HIGD2A: variants seen among roughly 807,000 people sequenced by gnomAD.
The protein encoded by HIGD2A is HIG1 domain family member 2A, mitochondrial.
HIGD2A carries 4 observed loss-of-function variants against 6.3 expected under a neutral mutation model. That is an observed-to-expected ratio of 0.64 (90% confidence interval 0.31 to 1.46). The LOEUF (loss-of-function observed/expected upper bound fraction) is 1.46, where lower values mean the gene tolerates loss of function less well. Ranked by LOEUF, HIGD2A falls within the 40% of genes most tolerant of loss-of-function variation. HIGD2A has a pLI of 0.07. For missense variants in HIGD2A, 143 were observed against 144.8 expected, an observed-to-expected ratio of 0.99 and a Z score of 0.06; for synonymous variants, 63 against 59.3, an observed-to-expected ratio of 1.06 and a Z score of -0.29.
Position 176,389,430 on chromosome 5 carries a change from C to T in HIGD2A, c.254C>T (p.Ala85Val). 6.2e-7 allele frequency: 1 copy of T among 1,614,210 alleles called. No individual in the cohort carries two copies. Among genetic ancestry groups the T allele is most frequent in the Non-Finnish European group, 8.5e-7 (1 of 1,180,042 alleles). The part of the protein sequence containing the change: ...SQLMMRTRIA[A>V]QGFTVAAILL... Reference sequence around the variant, plus strand: ...CTCATGATGCGCACCCGGATCGCCGCCCAGGGTTTCACGGTCGCAGCCATC... The same window carrying T: ...CTCATGATGCGCACCCGGATCGCCGTCCAGGGTTTCACGGTCGCAGCCATC... The change falls in exon 2 of 2, where the codon GCC becomes GTC. Residue 85 changes from alanine to valine, a missense_variant. Coordinates refer to ENST00000274787, the MANE Select transcript of HIGD2A (RefSeq NM_138820.4).
chr5:176,389,090 G>A (rs1756146792), intron 1 of HIGD2A, 117 bp downstream of exon 1: 3 of 1,363,336 alleles, frequency 2.2e-6, no homozygotes, highest in East Asian at 2.3e-5. Context: ...GAGAAGAGAC[G>A]AGGGGGCGGG....
rs945368176 is a variant in HIGD2A, at chr5:176,389,063, G to T, written c.154+90G>T. On this transcript the variant is annotated intron_variant, in intron 1 of 1. Coordinates refer to ENST00000274787, the MANE Select transcript of HIGD2A (RefSeq NM_138820.4). ...AAGGACCAGAGCGCTAGCGGGGAGC[G>T]GAAGGAGAGCGGACTAGAGAAGAGA... 43 of 1,514,118 alleles carry T rather than the reference G, an allele frequency of 2.8e-5. No homozygotes were observed. The African/African-American group carries it at 5.1e-4, about 18-fold the overall frequency. The allele number at this position is 1,514,118 out of a possible 1,614,324, so 93.8% of individuals were successfully genotyped here. A position where few individuals can be genotyped will look rare whatever the true frequency, so the allele number is the denominator to read the frequency against.
At chr5:176,389,168 T>C (rs567447069) in intron 1 of HIGD2A, among the ~76,000 whole-genome samples, 163 bp from the exon 2 acceptor site, 53 of 152,100 alleles carry the variant, frequency 3.5e-4, no homozygotes, top group Non-Finnish European at 5.0e-4. Flanking sequence ...GGGCCTAAGA[T>C]TGGGAGGACT....
Position 176,389,015 on chromosome 5 carries a change from A to T in HIGD2A, c.154+42A>T, listed in dbSNP as rs749217772. Reference sequence around the variant, plus strand: ...GGAACTGCACAAGGAGAGGACAGTGATGTCGGAGGGAAGGAAGTAGAGAAG... The same window carrying T: ...GGAACTGCACAAGGAGAGGACAGTGTTGTCGGAGGGAAGGAAGTAGAGAAG... On this transcript the variant is annotated intron_variant, in intron 1 of 1. Transcript: ENST00000274787. 2.5e-6 allele frequency: 4 copies of T among 1,608,270 alleles called. No individual in the cohort carries two copies. In the East Asian group the frequency reaches 8.9e-5, roughly 36 times the overall value.
At position 176,388,933 on chromosome 5, in the gene HIGD2A, G is replaced by T; in HGVS notation, c.114G>T (p.Lys38Asn). ...VYRNPESFKE[K>N]FVRKTRENPV... ...GGAATCCAGAGAGTTTCAAGGAAAA[G>T]TTCGTTCGCAAGACCCGCGAGAACC... Residue 38 changes from lysine (K) to asparagine (N), a missense_variant, in exon 1 of 2, where the codon AAG (lysine) becomes AAT (asparagine). By Grantham distance (94) the Lys-to-Asn change is moderately conservative. Transcript: ENST00000274787. 2 of 1,614,222 alleles carry T rather than the reference G, an allele frequency of 1.2e-6. No homozygotes were observed. The highest frequency in any genetic ancestry group is 1.7e-6 in the Non-Finnish European group (2 of 1,180,044).
At chr5:176,389,018 TC>T in intron 1 of HIGD2A, 45 bp downstream of exon 1, 1 of 1,606,818 alleles carries the variant, frequency 6.2e-7, no homozygotes, top group Non-Finnish European at 8.5e-7. Flanking sequence ...GACAGTGATG[TC>T]GGAGGGAAGG....
chr5:176,388,755 T>C lies in HIGD2A; in HGVS notation c.-65T>C. ...TCAATTTATTCGTTTCCCCGCCCCTTTCATGACCTTCACCGGGAGGCTGAG... is the reference window on the plus strand; with the variant it reads ...TCAATTTATTCGTTTCCCCGCCCCTCTCATGACCTTCACCGGGAGGCTGAG... On this transcript the variant is annotated 5_prime_UTR_variant, in exon 1 of 2. Transcript: ENST00000274787. The C allele has an allele frequency of 1.3e-6, 2 of 1,576,870 alleles. No homozygotes were observed. Among genetic ancestry groups the C allele is most frequent in the Non-Finnish European group, 1.7e-6 (2 of 1,163,530 alleles).
Position 176,388,850 on chromosome 5 carries a change from G to A in HIGD2A, c.31G>A (p.Val11Ile). The A allele has an allele frequency of 6.2e-7, 1 of 1,614,116 alleles. No homozygotes were observed. The highest frequency in any genetic ancestry group is 8.5e-7 in the Non-Finnish European group (1 of 1,180,020). The change falls in exon 1 of 2, where the codon GTC becomes ATC. Residue 11 changes from valine (V) to isoleucine (I), a missense_variant. Physicochemically the swap from Val to Ile is conservative, Grantham distance 29 (BLOSUM62 3). Coordinates refer to ENST00000274787, the MANE Select transcript of HIGD2A (RefSeq NM_138820.4). ...GACTCCCGGCCCTGTGATTCCGGAG[G>A]TCCCCTTTGAACCATCGAAGCCTCC... MATPGPVIPE[V>I]PFEPSKPPVI...
rs750350387 is a variant in HIGD2A, at chr5:176,389,718, C to G, written c.*221C>G. The G allele has an allele frequency of 2.9e-5, 14 of 476,402 alleles. No individual in the cohort carries two copies. The highest frequency in any genetic ancestry group is 4.8e-5 in the Non-Finnish European group (13 of 269,830). 29.5% of individuals were successfully genotyped at this position (476,402 alleles called of 1,614,324 possible). A position where few individuals can be genotyped will look rare whatever the true frequency, so the allele number is the denominator to read the frequency against. On this transcript the variant is annotated 3_prime_UTR_variant, in exon 2 of 2. Coordinates refer to ENST00000274787, the MANE Select transcript of HIGD2A (RefSeq NM_138820.4). The stretch of plus-strand genomic sequence containing the variant: ...CTTCTATTTGTGCCACATCTCCCCT[C>G]CACTCCCCTGCTTAATAAACTCTAA...
intron 1 of HIGD2A, 129 bp downstream of exon 1, chr5:176,389,102 C>T (rs925580453): frequency 1.6e-6 from 2 of 1,232,488 alleles, no homozygotes; most frequent in African/African-American, 1.5e-5. Flanking sequence ...GGGGGCGGGG[C>T]GGTGAGGGGC....
intron 1 of HIGD2A, 130 bp from the exon 2 acceptor site, chr5:176,389,201 T>C: frequency 8.4e-7 from 1 of 1,197,446 alleles, no homozygotes; most frequent in Admixed American, 2.2e-5. Flanking sequence ...AGACCTCGAC[T>C]CGACCTACCC....
rs1355399328 is a variant in HIGD2A at position 176,389,404 on chromosome 5, G to A, written c.228G>A (p.Gln76=). ...SFHRGNSQRS[Q]LMMRTRIAAQ... ...ACCGGGGCAACAGCCAGCGCTCTCAGCTCATGATGCGCACCCGGATCGCCG... is the reference window on the plus strand; with the variant it reads ...ACCGGGGCAACAGCCAGCGCTCTCAACTCATGATGCGCACCCGGATCGCCG... Residue 76 remains glutamine (Q), a synonymous_variant, in exon 2 of 2, where the codon CAG becomes CAA. Coordinates refer to ENST00000274787, the MANE Select transcript of HIGD2A (RefSeq NM_138820.4). 1 of 1,614,190 alleles carries A rather than the reference G, an allele frequency of 6.2e-7. No homozygotes were observed. Among genetic ancestry groups the A allele is most frequent in the Non-Finnish European group, 8.5e-7 (1 of 1,180,034 alleles).
intron 1 of HIGD2A, 129 bp from the exon 2 acceptor site, chr5:176,389,202 C>G: frequency 8.3e-7 from 1 of 1,199,480 alleles, no homozygotes; most frequent in East Asian, 2.3e-5. Flanking sequence ...GACCTCGACT[C>G]GACCTACCCT....
chr5:176,389,395 G>C lies in HIGD2A; in HGVS notation c.219G>C (p.Gln73His). 1.2e-6 allele frequency: 2 copies of C among 1,614,178 alleles called. No individual in the cohort carries two copies. The highest frequency in any genetic ancestry group is 1.7e-6 in the Non-Finnish European group (2 of 1,180,026). ...ACTCCTTCCACCGGGGCAACAGCCA[G>C]CGCTCTCAGCTCATGATGCGCACCC... ...GLYSFHRGNS[Q>H]RSQLMMRTRI... The change falls in exon 2 of 2, where the codon CAG becomes CAC. Residue 73 changes from glutamine to histidine, a missense_variant. Coordinates refer to ENST00000274787, the MANE Select transcript of HIGD2A (RefSeq NM_138820.4).
rs1756165085 is a variant in HIGD2A, at chr5:176,389,347, G to T, written c.171G>T (p.Ala57=). 3 of 1,613,314 alleles carry T rather than the reference G, an allele frequency of 1.9e-6. No individual in the cohort carries two copies. Among genetic ancestry groups the T allele is most frequent in the Middle Eastern group, 1.7e-4 (1 of 6,014 alleles). The change falls in exon 2 of 2, where the codon GCG becomes GCT. Residue 57 remains alanine (A), a synonymous_variant. Coordinates refer to ENST00000274787, the MANE Select transcript of HIGD2A (RefSeq NM_138820.4). ...PVVPIGCLAT[A]AALTYGLYSF... Reference sequence around the variant, plus strand: ...CCTCCTCAGGTTGCCTGGCCACGGCGGCCGCCCTCACCTACGGCCTCTACT... The same window carrying T: ...CCTCCTCAGGTTGCCTGGCCACGGCTGCCGCCCTCACCTACGGCCTCTACT...
At position 176,388,767 on chromosome 5, in the gene HIGD2A, A is replaced by C. The variant is rs1210834887; in HGVS notation, c.-53A>C. The C allele has an allele frequency of 3.0e-5, 48 of 1,591,796 alleles. No homozygotes were observed. The highest frequency in any genetic ancestry group is 3.7e-5 in the Non-Finnish European group (43 of 1,170,250). ...TTTCCCCGCCCCTTTCATGACCTTCACCGGGAGGCTGAGGTCGGAGTCCCG... is the reference window on the plus strand; with the variant it reads ...TTTCCCCGCCCCTTTCATGACCTTCCCCGGGAGGCTGAGGTCGGAGTCCCG... On this transcript the variant is annotated 5_prime_UTR_variant, in exon 1 of 2. Transcript: ENST00000274787.
chr5:176,389,213 C>T, intron 1 of HIGD2A, 118 bp from the exon 2 acceptor site: 1 of 1,293,268 alleles, frequency 7.7e-7, no homozygotes, highest in Non-Finnish European at 1.1e-6. Flanking sequence ...GACCTACCCT[C>T]GCCGCCCTCC....
chr5:176,389,202 C>T (rs1213670202), intron 1 of HIGD2A, 129 bp from the exon 2 acceptor site: 3 of 1,199,362 alleles, frequency 2.5e-6, no homozygotes, highest in African/African-American at 3.0e-5. Context: ...GACCTCGACT[C>T]GACCTACCCT....
chr5:176,388,764 T>C lies in HIGD2A; in HGVS notation c.-56T>C. The C allele has an allele frequency of 6.3e-7, 1 of 1,590,286 alleles. No homozygotes were observed. Among genetic ancestry groups the C allele is most frequent in the Non-Finnish European group, 8.5e-7 (1 of 1,169,638 alleles). On this transcript the variant is annotated 5_prime_UTR_variant, in exon 1 of 2. Transcript: ENST00000274787. Reference sequence around the variant, plus strand: ...TCGTTTCCCCGCCCCTTTCATGACCTTCACCGGGAGGCTGAGGTCGGAGTC... The same window carrying C: ...TCGTTTCCCCGCCCCTTTCATGACCCTCACCGGGAGGCTGAGGTCGGAGTC...
Sources: allele counts gnomAD v4.1 joint callset (sites outside exome capture counted in the v4.1 genomes callset), GRCh38; gene constraint gnomAD v4.1.1; transcripts MANE v1.5; gene names NCBI Gene and HGNC (gene_info 2026-07-23, HGNC 2026-07-21).